MRPS31: variants seen among roughly 807,000 people sequenced by gnomAD.
MRPS31 encodes small ribosomal subunit protein mS31.
A neutral mutation model predicts 43.1 loss-of-function variants in MRPS31; 32 were observed. The observed-to-expected ratio is 0.74, with a 90% confidence interval of 0.56 to 1.00. The LOEUF is 1.00. Among genes scored for constraint, MRPS31 ranks in the 50% least tolerant of loss-of-function variants. The pLI is 0.00. For synonymous variants in MRPS31, 165 were observed against 161.6 expected, an observed-to-expected ratio of 1.02 and a Z score of -0.16; for missense variants, 437 against 466.7, an observed-to-expected ratio of 0.94 and a Z score of 0.59.
chr13:40,770,448 T>C (rs1465668349), intron 1 of MRPS31, among the ~76,000 whole-genome samples: 1 of 152,236 alleles, frequency 6.6e-6, no homozygotes, highest in South Asian at 2.1e-4. Flanking sequence ...GAGTCTCCCC[T>C]ATAATGGTTA....
At chr13:40,740,491 G>A (rs1420926454) in intron 6 of MRPS31, among the ~76,000 whole-genome samples, 13 of 138,546 alleles carry the variant, frequency 9.4e-5, no homozygotes, top group Middle Eastern at 3.4e-3. Flanking sequence ...GCACACGTAT[G>A]TTTATTGCGG....
chr13:40,759,164 G>A, intron 2 of MRPS31, 58 bp from the exon 3 acceptor site: 1 of 1,383,498 alleles, frequency 7.2e-7, no homozygotes, highest in Non-Finnish European at 9.6e-7. Context: ...TTGGCCAGGT[G>A]CGGTGGCTCA....
chr13:40,735,471 G>C (rs557818409), intron 6 of MRPS31, among the ~76,000 whole-genome samples: 2 of 152,258 alleles, frequency 1.3e-5, no homozygotes, highest in East Asian at 1.9e-4. Context: ...CTCCACCTCT[G>C]GGGGCAGGGC....
intron 6 of MRPS31, among the ~76,000 whole-genome samples, chr13:40,742,296 A>G (rs1054501248): frequency 6.6e-6 from 1 of 152,224 alleles, no homozygotes; most frequent in African/African-American, 2.4e-5. Context: ...TGCTTTAAGT[A>G]TTGAATACAC....
intron 2 of MRPS31, among the ~76,000 whole-genome samples, chr13:40,763,494 G>A (rs564672522): frequency 1.3e-5 from 2 of 152,248 alleles, no homozygotes; most frequent in African/African-American, 2.4e-5. Flanking sequence ...TCAGGTACCC[G>A]TAGTTCTCCC....
intron 2 of MRPS31, 46 bp from the exon 3 acceptor site, chr13:40,759,152 G>T (rs1880621891): frequency 1.4e-6 from 2 of 1,477,810 alleles, no homozygotes; most frequent in Non-Finnish European, 1.8e-6. Flanking sequence ...AAAAAAGAGA[G>T]ATTGGCCAGG....
At chr13:40,752,690 A>G (rs1450476492) in intron 5 of MRPS31, among the ~76,000 whole-genome samples, 1 of 152,164 alleles carries the variant, frequency 6.6e-6, no homozygotes, top group African/African-American at 2.4e-5. Flanking sequence ...GAAAGATTAA[A>G]TGAGCCTTTG....
intron 2 of MRPS31, among the ~76,000 whole-genome samples, chr13:40,764,143 C>T (rs972472315): frequency 9.2e-5 from 14 of 152,090 alleles, no homozygotes; most frequent in Non-Finnish European, 2.9e-5. Flanking sequence ...AGTAACATTA[C>T]AGCAGTCCCT....
chr13:40,760,481 C>T (rs1323748200), intron 2 of MRPS31, among the ~76,000 whole-genome samples: 1 of 152,060 alleles, frequency 6.6e-6, no homozygotes, highest in Non-Finnish European at 1.5e-5. Context: ...AGCTGGGCAA[C>T]AGTAGAAAGG....
In MRPS31 at chr13:40,760,134, C is replaced by CA. The variant is rs11327076; in HGVS notation, c.441-1029dup. 7.8e-3 allele frequency among the ~76,000 whole-genome samples: 605 copies of CA among 77,658 alleles called. 13 individuals are homozygous for CA. Among genetic ancestry groups the CA allele is most frequent in the East Asian group, 0.044 (140 of 3,152 alleles). 50.9% of individuals were successfully genotyped at this position (77,658 alleles called of 152,430 possible). A position where few individuals can be genotyped will look rare whatever the true frequency, so the allele number is the denominator to read the frequency against. On this transcript the variant is annotated intron_variant, in intron 2 of 6. Transcript: ENST00000323563. ...CCTGGGTGTCAGAACTAGACTCTGT[C>CA]AAAAAAAAAAAAAAAAAAAAAACTG... is the stretch of plus-strand genomic sequence containing the variant.
chr13:40,743,188 G>T (rs58908501), intron 6 of MRPS31, among the ~76,000 whole-genome samples: 2 of 151,848 alleles, frequency 1.3e-5, no homozygotes, highest in Admixed American at 6.6e-5. Flanking sequence ...GGTGGCAGGC[G>T]CCTGTCATTC....
At chr13:40,757,440 CTTTTTTTTTTTT>C (rs11291870) in intron 3 of MRPS31, among the ~76,000 whole-genome samples, 3 of 96,932 alleles carry the variant, frequency 3.1e-5, no homozygotes, top group East Asian at 3.8e-4. Flanking sequence ...CTATGTCTTC[CTTTTTTTTTTTT>C]TTTTTTTTTT....
chr13:40,754,965 C>T (rs1432492845), intron 4 of MRPS31, among the ~76,000 whole-genome samples: 3 of 152,194 alleles, frequency 2.0e-5, no homozygotes, highest in Non-Finnish European at 4.4e-5. Context: ...ACCCAGGAAG[C>T]AGAAGTTGCA....
intron 6 of MRPS31, among the ~76,000 whole-genome samples, chr13:40,732,693 A>C (rs1879733559): frequency 6.6e-6 from 1 of 152,052 alleles, no homozygotes; most frequent in Non-Finnish European, 1.5e-5. Context: ...AGCTGTGATC[A>C]CACCACTGCA....
intron 6 of MRPS31, among the ~76,000 whole-genome samples, chr13:40,747,471 G>C (rs1203897069): frequency 6.6e-6 from 1 of 152,116 alleles, no homozygotes; most frequent in African/African-American, 2.4e-5. Flanking sequence ...CTAAAAAGGC[G>C]TTGGTCTTTT....
At chr13:40,759,554 A>G (rs1346552486) in intron 2 of MRPS31, among the ~76,000 whole-genome samples, 1 of 152,242 alleles carries the variant, frequency 6.6e-6, no homozygotes, top group African/African-American at 2.4e-5. Context: ...TGGTGTTCAA[A>G]AAAGTATTCA....
At chr13:40,733,517 T>C (rs1879772765) in intron 6 of MRPS31, among the ~76,000 whole-genome samples, 1 of 152,174 alleles carries the variant, frequency 6.6e-6, no homozygotes, top group Admixed American at 6.5e-5. Flanking sequence ...AGAACAATGA[T>C]TGTAAACAAA....
chr13:40,731,347 A>G (rs73457354), intron 6 of MRPS31: 6,403 of 151,968 alleles, frequency 0.042, 276 homozygotes, highest in East Asian at 0.13. Context: ...TGGGGGTGGC[A>G]GGTAGGGGGG....
chr13:40,758,395 C>A (rs1189101292), intron 3 of MRPS31, among the ~76,000 whole-genome samples: 1 of 152,154 alleles, frequency 6.6e-6, no homozygotes. Context: ...CTGGTATACA[C>A]GTTCATTGAG....
Sources: gnomAD v4.1 joint callset for allele counts (sites outside exome capture counted in the v4.1 genomes callset) on GRCh38, gnomAD v4.1.1 for gene constraint, MANE v1.5 for transcripts, NCBI Gene and HGNC (gene_info 2026-07-23, HGNC 2026-07-21) for gene names.